The following MED13 variants were observed in gnomAD, a reference collection of about 807,000 sequenced individuals.
MED13 encodes mediator complex subunit 13, also known as mediator of RNA polymerase II transcription subunit 13.
In MED13, 23 loss-of-function variants were observed where a neutral mutation model predicts 225.2. The observed-to-expected ratio is 0.10, with a 90% CI of 0.07 to 0.14. The LOEUF is 0.14. Ranked by LOEUF, MED13 falls within the 10% of genes least tolerant of loss-of-function variation. The pLI, the probability that MED13 is intolerant of heterozygous loss-of-function variation, is 1.00. For missense variants in MED13, 2,197 were observed against 2,594.5 expected, an observed-to-expected ratio of 0.85 and a Z score of 3.33; for synonymous variants, 942 against 889.2, an observed-to-expected ratio of 1.06 and a Z score of -1.06.
chr17:62,020,422 G>C (rs1355128551), intron 8 of MED13, among the ~76,000 whole-genome samples: 1 of 151,950 alleles, frequency 6.6e-6, no homozygotes, highest in African/African-American at 2.4e-5. Context: ...CTTTTGCCAG[G>C]CTGGAGTGCA....
intron 3 of MED13, among the ~76,000 whole-genome samples, chr17:62,049,511 A>AGGCATGAGCCAGTGT (rs2080935520): frequency 2.0e-4 from 30 of 152,258 alleles, no homozygotes; most frequent in Non-Finnish European, 4.1e-4. Context: ...GCTGTGTTAC[A>AGGCATGAGCCAGTGT]ACAAAACTTT....
Position 61,955,855 on chromosome 17 carries a change from TAAAAAA to T in MED13, c.5624-23_5624-18del, listed in dbSNP as rs61326861. On this transcript the variant is annotated intron_variant, in intron 24 of 29. Transcript: ENST00000397786. The stretch of plus-strand genomic sequence containing the variant: ...AGCTCCAATCTGTGGGTATCAACAG[TAAAAAA>T]AAAAAAAAAAAAAAAAAAAATCAAA... 7.1e-4 allele frequency: 580 copies of T among 813,048 alleles called. No individual in the cohort carries two copies. The highest frequency in any genetic ancestry group is 2.1e-3 in the East Asian group (28 of 13,298). 50.4% of individuals were successfully genotyped at this position (813,048 alleles called of 1,614,324 possible).
chr17:62,020,480 G>A (rs868830585), intron 8 of MED13, among the ~76,000 whole-genome samples: 8 of 152,038 alleles, frequency 5.3e-5, no homozygotes, highest in East Asian at 1.9e-4. Flanking sequence ...AGGTTCAAGC[G>A]AGTCTCCTGC....
At chr17:62,047,140 A>G (rs7222262) in intron 3 of MED13, among the ~76,000 whole-genome samples, 56,124 of 151,640 alleles carry the variant, frequency 0.37, 12,619 homozygotes, top group East Asian at 0.73. Flanking sequence ...GGAGGCCGAC[A>G]TGGGCGGATT....
chr17:62,060,602 G>A (rs1046367596), intron 2 of MED13, among the ~76,000 whole-genome samples: 6 of 144,212 alleles, frequency 4.2e-5, no homozygotes, highest in South Asian at 2.2e-4. Flanking sequence ...GCGAGATCAC[G>A]CCACTGCACT....
At position 61,962,847 on chromosome 17, in the gene MED13, T is replaced by C; in HGVS notation, c.4969A>G (p.Asn1657Asp). ...FTYENTDESTNSSSVWTLGLL... is the reference protein window; with the variant it reads ...FTYENTDESTDSSSVWTLGLL... The stretch of plus-strand genomic sequence containing the variant: ...CCCAATGTCCACACACTAGAAGAGT[T>C]AGTGCTCTCGTCTGTATTTTCGTAT... The change falls in exon 21 of 30, where the codon AAC (asparagine) becomes GAC (aspartate). Residue 1657 changes from asparagine to aspartate, a missense_variant. Around this residue, in one of 12 missense-constraint regions of MED13, gnomAD observed 457 missense variants for 442.2 expected, o/e 1.03. Transcript: ENST00000397786. The C allele has an allele frequency of 6.2e-7, 1 of 1,614,086 alleles. No homozygotes were observed. Among genetic ancestry groups the C allele is most frequent in the Non-Finnish European group, 8.5e-7 (1 of 1,179,978 alleles).
chr17:62,017,123 T>C (rs2080589883), intron 8 of MED13, among the ~76,000 whole-genome samples: 1 of 150,734 alleles, frequency 6.6e-6, no homozygotes, highest in African/African-American at 2.4e-5. Flanking sequence ...AGTAAGTGAA[T>C]ACGAATGGTT....
chr17:61,974,079 T>C (rs2080132395), intron 16 of MED13, among the ~76,000 whole-genome samples: 1 of 152,150 alleles, frequency 6.6e-6, no homozygotes, highest in African/African-American at 2.4e-5. Context: ...TTAAATAAAC[T>C]TTTGTATACA....
intron 6 of MED13, 31 bp downstream of exon 6, chr17:62,031,413 C>A: frequency 6.7e-7 from 1 of 1,485,064 alleles, no homozygotes; most frequent in Admixed American, 2.3e-5. Context: ...TAACAAATTA[C>A]CAGAGCTGAT....
intron 9 of MED13, among the ~76,000 whole-genome samples, chr17:62,003,308 T>C (rs2080413448): frequency 6.6e-6 from 1 of 152,092 alleles, no homozygotes; most frequent in South Asian, 2.1e-4. Flanking sequence ...AAGGCTTATA[T>C]CTAAAAGCAA....
At chr17:61,975,295 A>C (rs1183776092) in intron 16 of MED13, among the ~76,000 whole-genome samples, 1 of 152,188 alleles carries the variant, frequency 6.6e-6, no homozygotes, top group Non-Finnish European at 1.5e-5. Context: ...CGGGCAAAAA[A>C]TCTGAAAAGT....
In MED13 at chr17:61,968,221, T is replaced by C. The variant is rs369419677; in HGVS notation, c.4005A>G (p.Thr1335=). The change falls in exon 18 of 30, where the codon ACA becomes ACG. Residue 1335 remains threonine, a synonymous_variant. Coordinates refer to ENST00000397786, the MANE Select transcript of MED13 (RefSeq NM_005121.3). ...AATCATAATCATAACCCAACAAAAA[T>C]GTGGGGATTGGCAGTGGTTCTGGGG... is the stretch of plus-strand genomic sequence containing the variant. ...DESPEPLPIP[T]FLLGYDYDYL... is the part of the protein sequence containing the mutation. The C allele has an allele frequency of 1.9e-5, 31 of 1,613,904 alleles. No individual in the cohort carries two copies. The Middle Eastern group carries it at 4.9e-4, about 26-fold the overall frequency.
At chr17:62,054,038 TACTC>T (rs1206539585) in intron 2 of MED13, among the ~76,000 whole-genome samples, 1 of 152,152 alleles carries the variant, frequency 6.6e-6, no homozygotes, top group Non-Finnish European at 1.5e-5. Flanking sequence ...TGGGCGCAGT[TACTC>T]ACGCCTGTAA....
At chr17:62,026,844 CAA>C (rs2080707418) in intron 8 of MED13, among the ~76,000 whole-genome samples, 1 of 151,984 alleles carries the variant, frequency 6.6e-6, no homozygotes. Flanking sequence ...ACATCTGCCA[CAA>C]AAAGAGTAAA....
chr17:61,976,050 A>G (rs1336742373), intron 16 of MED13, among the ~76,000 whole-genome samples: 3 of 152,124 alleles, frequency 2.0e-5, no homozygotes, highest in Non-Finnish European at 4.4e-5. Flanking sequence ...ATTAAACAGA[A>G]TATGACTCAG....
chr17:62,055,368 C>T (rs1197775549), intron 2 of MED13, among the ~76,000 whole-genome samples: 1 of 149,996 alleles, frequency 6.7e-6, no homozygotes, highest in African/African-American at 2.5e-5. Context: ...CCACTGTGGG[C>T]GACATAGCGA....
At chr17:62,038,665 T>C (rs1166200868) in intron 3 of MED13, among the ~76,000 whole-genome samples, 1 of 152,150 alleles carries the variant, frequency 6.6e-6, no homozygotes, top group East Asian at 1.9e-4. Flanking sequence ...AATGAGCACT[T>C]ACCCACTTCA....
chr17:61,984,559 AC>A (rs2143469983), intron 14 of MED13, 91 bp downstream of exon 14: 2 of 1,182,224 alleles, frequency 1.7e-6, no homozygotes, highest in Admixed American at 2.7e-5. Context: ...CAAAACCGCA[AC>A]CACTATAAAA....
Position 61,971,791 on chromosome 17 carries a change from G to A in MED13, c.3967+936C>T, listed in dbSNP as rs141028935. On this transcript the variant is annotated intron_variant, in intron 17 of 29. Transcript: ENST00000397786. ...TCTACTAAAAGTAAAAAAATGAGCCGGGCATGGTGGCGTGCACCCATACTC... is the reference window on the plus strand; with the variant it reads ...TCTACTAAAAGTAAAAAAATGAGCCAGGCATGGTGGCGTGCACCCATACTC... 9.0e-3 allele frequency among the ~76,000 whole-genome samples: 1,364 copies of A among 152,012 alleles called. 28 individuals carry two copies. Among genetic ancestry groups the A allele is most frequent in the African/African-American group, 0.031 (1,299 of 41,488 alleles).
Sources: allele counts gnomAD v4.1 joint callset (sites outside exome capture counted in the v4.1 genomes callset), GRCh38; gene constraint gnomAD v4.1.1; regional missense constraint gnomAD v4.1.1; transcripts MANE v1.5; gene names NCBI Gene and HGNC (gene_info 2026-07-23, HGNC 2026-07-21).